Variants in DZANK1 observed in about 807,000 individuals in gnomAD.
The protein encoded by DZANK1 is double zinc ribbon and ankyrin repeat-containing protein 1.
Under a neutral mutation model 94.5 loss-of-function variants are expected in DZANK1, and 91 were observed. The ratio of observed to expected loss-of-function variants is 0.96; its 90% CI spans 0.81 to 1.15. DZANK1 has a LOEUF of 1.15. Ranked by LOEUF, DZANK1 falls within the 50% of genes most tolerant of loss-of-function variation. The pLI, the probability that DZANK1 is intolerant of heterozygous loss-of-function variation, is 0.00. For synonymous variants in DZANK1, 312 were observed against 325.3 expected (o/e 0.96, Z 0.44); for missense variants, 903 against 916.4 (o/e 0.99, Z 0.19).
At chr20:18,460,984 A>G (rs915470726) in intron 2 of DZANK1, among the ~76,000 whole-genome samples, 7 of 152,182 alleles carry the variant, frequency 4.6e-5, no homozygotes, top group African/African-American at 1.7e-4. Flanking sequence ...ATAATAGAGG[A>G]GTTGTGATTT....
intron 13 of DZANK1, among the ~76,000 whole-genome samples, chr20:18,408,590 C>T (rs1408658245): frequency 6.6e-6 from 1 of 151,954 alleles, no homozygotes; most frequent in African/African-American, 2.4e-5. Flanking sequence ...TCCTATAGGC[C>T]AGGAGAGAGT....
intron 9 of DZANK1, among the ~76,000 whole-genome samples, chr20:18,431,395 C>T (rs2058279252): frequency 6.6e-6 from 1 of 152,072 alleles, no homozygotes; most frequent in African/African-American, 2.4e-5. Context: ...AGAAAGGGGA[C>T]GGGAGCTGTC....
At chr20:18,394,212 C>T (rs931835047) in intron 16 of DZANK1, 42 bp downstream of exon 16, 4 of 1,560,446 alleles carry the variant, frequency 2.6e-6, no homozygotes, top group Non-Finnish European at 3.5e-6. Flanking sequence ...TCCATGTGTT[C>T]CTGGTCAGTT....
At chr20:18,403,153 T>G (rs1211962731) in intron 13 of DZANK1, among the ~76,000 whole-genome samples, 3 of 152,182 alleles carry the variant, frequency 2.0e-5, no homozygotes, top group Non-Finnish European at 4.4e-5. Context: ...TGGCCAAGTG[T>G]GGTCAAGAGA....
intron 9 of DZANK1, chr20:18,432,982 T>C (rs1430663897): frequency 1.3e-5 from 2 of 152,202 alleles, no homozygotes; most frequent in Non-Finnish European, 2.9e-5. Flanking sequence ...CAAGAACCTA[T>C]AATCAAATAA....
chr20:18,392,494 A>G lies in DZANK1; in HGVS notation c.1809+1217T>C, dbSNP rs114412548. ...CCACACATGGAGGGAAGCACACGGC[A>G]TCATGCAAGTGTCCAGCTCGGACCC... On this transcript the variant is annotated intron_variant, in intron 17 of 20. Transcript: ENST00000262547. 3.4e-3 allele frequency among the ~76,000 whole-genome samples: 522 copies of G among 152,312 alleles called. 3 individuals are homozygous for G. The highest frequency in any genetic ancestry group is 0.012 in the African/African-American group (489 of 41,582).
chr20:18,437,956 C>A, intron 8 of DZANK1, among the ~76,000 whole-genome samples: 1 of 152,016 alleles, frequency 6.6e-6, no homozygotes, highest in South Asian at 2.1e-4. Flanking sequence ...CGGTGGCTCA[C>A]GCCTGTAATC....
At chr20:18,385,970 T>C (rs531108397) in intron 19 of DZANK1, among the ~76,000 whole-genome samples, 2 of 152,238 alleles carry the variant, frequency 1.3e-5, no homozygotes, top group South Asian at 4.1e-4. Flanking sequence ...GCGCCAGGAC[T>C]CCTGAAAGGC....
At chr20:18,403,174 C>G (rs1333786686) in intron 13 of DZANK1, among the ~76,000 whole-genome samples, 1 of 152,220 alleles carries the variant, frequency 6.6e-6, no homozygotes, top group Non-Finnish European at 1.5e-5. Context: ...TGGGGGCTCC[C>G]TTTCTCTGCT....
intron 4 of DZANK1, 68 bp downstream of exon 4, chr20:18,455,179 C>G (rs1329758179): frequency 1.8e-5 from 22 of 1,190,476 alleles, no homozygotes; most frequent in Non-Finnish European, 2.7e-5. Context: ...AAGGCAAGAT[C>G]TGCTCACTGA....
chr20:18,466,301 G>A (rs1288198687), intron 1 of DZANK1, among the ~76,000 whole-genome samples: 1 of 152,104 alleles, frequency 6.6e-6, no homozygotes, highest in African/African-American at 2.4e-5. Context: ...TCCATTTGTG[G>A]CTGGGCATTT....
At chr20:18,426,571 T>C (rs1274576493) in intron 10 of DZANK1, among the ~76,000 whole-genome samples, 1 of 152,232 alleles carries the variant, frequency 6.6e-6, no homozygotes, top group Non-Finnish European at 1.5e-5. Flanking sequence ...AAACATAAAA[T>C]AGATCATCAC....
intron 19 of DZANK1, among the ~76,000 whole-genome samples, chr20:18,387,047 CCTT>C (rs2148126481): frequency 1.3e-5 from 2 of 152,290 alleles, no homozygotes; most frequent in Admixed American, 1.3e-4. Context: ...CTGATTTCCT[CCTT>C]ATCTTTCATC....
intron 6 of DZANK1, chr20:18,451,749 A>C: frequency 2.3e-6 from 1 of 426,322 alleles, no homozygotes; most frequent in Non-Finnish European, 4.5e-6. Flanking sequence ...TGAGAGGCAG[A>C]CTTGGCTCCT....
chr20:18,407,460 C>T (rs2057020921), intron 13 of DZANK1, among the ~76,000 whole-genome samples: 1 of 152,186 alleles, frequency 6.6e-6, no homozygotes, highest in South Asian at 2.1e-4. Flanking sequence ...TAGGCACAAA[C>T]AAGTCCAGAC....
chr20:18,451,690 T>C lies in DZANK1; in HGVS notation c.543+925A>G, dbSNP rs535495811. ...GGACACCTGCTCGTCTCTCATCTTTTCCAGCTTTGTCAATGGCACCATCAT... is the reference window on the plus strand; with the variant it reads ...GGACACCTGCTCGTCTCTCATCTTTCCCAGCTTTGTCAATGGCACCATCAT... On this transcript the variant is annotated intron_variant, in intron 6 of 20. Transcript: ENST00000262547. Among the ~76,000 whole-genome samples, 5 of 152,236 alleles carry C rather than the reference T, an allele frequency of 3.3e-5. No homozygotes were observed. In the South Asian group the frequency reaches 1.0e-3, roughly 32 times the overall value.
chr20:18,449,091 T>A (rs778102697), intron 6 of DZANK1, 22 bp from the exon 7 acceptor site: 17 of 1,593,834 alleles, frequency 1.1e-5, no homozygotes, highest in Non-Finnish European at 1.4e-5. Context: ...AATATAGGTA[T>A]AAAGACAGAG....
At chr20:18,431,060 G>A (rs147333972) in intron 9 of DZANK1, among the ~76,000 whole-genome samples, 1 of 152,042 alleles carries the variant, frequency 6.6e-6, no homozygotes, top group Non-Finnish European at 1.5e-5. Flanking sequence ...GTAGAGTGAA[G>A]AAATTATACA....
chr20:18,391,513 G>A (rs143884901), intron 17 of DZANK1, among the ~76,000 whole-genome samples: 188 of 152,314 alleles, frequency 1.2e-3, no homozygotes, highest in African/African-American at 4.1e-3. Flanking sequence ...GATTACAGGC[G>A]TGAGTCACTG....
Sources: gnomAD v4.1 joint callset for allele counts (sites outside exome capture counted in the v4.1 genomes callset) on GRCh38, gnomAD v4.1.1 for gene constraint, MANE v1.5 for transcripts, NCBI Gene and HGNC (gene_info 2026-07-23, HGNC 2026-07-21) for gene names.